The following AUTS2 variants were observed in gnomAD, a reference collection of about 807,000 sequenced individuals.
AUTS2 encodes activator of transcription and developmental regulator AUTS2.
In AUTS2, 17 loss-of-function variants were observed where a neutral mutation model predicts 112.4. That is an observed-to-expected ratio of 0.15 (90% CI 0.10 to 0.23). AUTS2 has a LOEUF of 0.23. Among genes scored for constraint, AUTS2 ranks in the 10% least tolerant of loss-of-function variants. AUTS2 has a pLI of 1.00. For missense variants in AUTS2, 1,510 were observed against 1,701.6 expected, an observed-to-expected ratio of 0.89 and a Z score of 1.98; for synonymous variants, 751 against 702.7, an observed-to-expected ratio of 1.07 and a Z score of -1.09.
At chr7:69,681,180 C>T (rs370602410) in intron 1 of AUTS2, among the ~76,000 whole-genome samples, 1 of 152,116 alleles carries the variant, frequency 6.6e-6, no homozygotes, top group Non-Finnish European at 1.5e-5. Flanking sequence ...TTGTTTTCAC[C>T]TCTTGGCTAT....
chr7:70,601,633 G>A lies in AUTS2; in HGVS notation c.691-96936G>A, dbSNP rs142767583. On this transcript the variant is annotated intron_variant, in intron 5 of 18. Coordinates refer to ENST00000342771, the MANE Select transcript of AUTS2 (RefSeq NM_015570.4). ...GAGTGGTGTGTGTCAGGGATGTGGC[G>A]GCTGCAGACTGCTGGAGAAGACTGG... is the stretch of plus-strand genomic sequence containing the variant. 2.6e-4 allele frequency among the ~76,000 whole-genome samples: 40 copies of A among 152,236 alleles called. No homozygotes were observed. In the East Asian group the frequency reaches 4.4e-3, roughly 17 times the overall value.
chr7:69,890,434 A>G (rs1794470711), intron 1 of AUTS2, among the ~76,000 whole-genome samples: 1 of 152,118 alleles, frequency 6.6e-6, no homozygotes, highest in South Asian at 2.1e-4. Flanking sequence ...CTATTTTTTT[A>G]AACCTTGTCC....
intron 2 of AUTS2, among the ~76,000 whole-genome samples, chr7:70,114,513 C>T (rs1805254620): frequency 6.6e-6 from 1 of 152,210 alleles, no homozygotes; most frequent in Non-Finnish European, 1.5e-5. Context: ...CTATATTCAG[C>T]TGGGCGTGGT....
At chr7:70,388,245 G>T (rs771728973) in intron 4 of AUTS2, among the ~76,000 whole-genome samples, 2 of 152,146 alleles carry the variant, frequency 1.3e-5, no homozygotes, top group Non-Finnish European at 1.5e-5. Context: ...GGTGGCGGGG[G>T]TGTGGAGGGT....
At chr7:70,686,764 C>G (rs1808492790) in intron 5 of AUTS2, among the ~76,000 whole-genome samples, 1 of 152,108 alleles carries the variant, frequency 6.6e-6, no homozygotes, top group Non-Finnish European at 1.5e-5. Context: ...AACTCCTGAC[C>G]TCAGGTGATC....
intron 1 of AUTS2, among the ~76,000 whole-genome samples, chr7:69,742,050 C>T (rs1787289507): frequency 6.6e-6 from 1 of 151,670 alleles, no homozygotes; most frequent in Non-Finnish European, 1.5e-5. Flanking sequence ...ATCCTTTCCA[C>T]CTCAGCCTCT....
intron 5 of AUTS2, among the ~76,000 whole-genome samples, chr7:70,620,046 A>C (rs1804587390): frequency 6.6e-6 from 1 of 152,130 alleles, no homozygotes. Flanking sequence ...GTAGGGGTGC[A>C]GATTCCCACC....
chr7:70,158,343 A>G (rs1330566312), intron 4 of AUTS2, among the ~76,000 whole-genome samples: 1 of 152,198 alleles, frequency 6.6e-6, no homozygotes, highest in African/African-American at 2.4e-5. Context: ...ATTGGAGGCA[A>G]GAACTTCAGG....
intron 1 of AUTS2, among the ~76,000 whole-genome samples, chr7:69,766,357 A>T (rs1433915282): frequency 6.6e-6 from 1 of 152,172 alleles, no homozygotes; most frequent in Non-Finnish European, 1.5e-5. Flanking sequence ...TCCTCAGTCT[A>T]CATTTGGGTT....
chr7:70,409,383 C>T (rs1300500839), intron 4 of AUTS2, among the ~76,000 whole-genome samples: 2 of 152,096 alleles, frequency 1.3e-5, no homozygotes, highest in South Asian at 4.1e-4. Flanking sequence ...TAACTCATAG[C>T]AAATGTGTGG....
intron 5 of AUTS2, among the ~76,000 whole-genome samples, chr7:70,457,868 T>C (rs1377333841): frequency 6.6e-6 from 1 of 152,182 alleles, no homozygotes; most frequent in Non-Finnish European, 1.5e-5. Context: ...GAACAGTGCT[T>C]TTTTGTTACT....
At chr7:70,542,013 A>G (rs772330278) in intron 5 of AUTS2, among the ~76,000 whole-genome samples, 5 of 152,248 alleles carry the variant, frequency 3.3e-5, no homozygotes, top group Non-Finnish European at 7.3e-5. Context: ...GGCCTTCATC[A>G]TCTGCCTTCG....
chr7:69,786,306 C>T (rs1041580375), intron 1 of AUTS2, among the ~76,000 whole-genome samples: 3 of 152,202 alleles, frequency 2.0e-5, no homozygotes, highest in African/African-American at 4.8e-5. Context: ...CTGCGTCTAG[C>T]TAAAGGATTG....
At chr7:69,972,369 T>C (rs1797883144) in intron 2 of AUTS2, among the ~76,000 whole-genome samples, 1 of 152,204 alleles carries the variant, frequency 6.6e-6, no homozygotes, top group Non-Finnish European at 1.5e-5. Context: ...TTATTGGGTA[T>C]GTGGTTTGCA....
At chr7:70,330,610 G>A (rs1407457552) in intron 4 of AUTS2, among the ~76,000 whole-genome samples, 1 of 152,106 alleles carries the variant, frequency 6.6e-6, no homozygotes, top group Non-Finnish European at 1.5e-5. Flanking sequence ...GCGATTGAGG[G>A]TCCATTGCAA....
At chr7:70,775,280 A>T (rs1377299528) in intron 12 of AUTS2, 77 bp from the exon 13 acceptor site, 4 of 1,179,310 alleles carry the variant, frequency 3.4e-6, no homozygotes, top group Non-Finnish European at 5.0e-6. Context: ...CCTCCTAATG[A>T]AGCACTACAA....
intron 1 of AUTS2, among the ~76,000 whole-genome samples, chr7:69,861,497 A>G (rs1350122868): frequency 1.3e-5 from 2 of 152,150 alleles, no homozygotes; most frequent in African/African-American, 4.8e-5. Flanking sequence ...CTGCTTTTGT[A>G]CTTTCCATAA....
At chr7:70,776,158 A>G (rs1193511531) in intron 13 of AUTS2, among the ~76,000 whole-genome samples, 2 of 152,216 alleles carry the variant, frequency 1.3e-5, no homozygotes, top group South Asian at 2.1e-4. Context: ...GCATTTAAGT[A>G]TATATTTTCG....
intron 1 of AUTS2, chr7:69,824,656 C>T (rs1000980151): frequency 1.3e-5 from 2 of 152,036 alleles, no homozygotes; most frequent in Admixed American, 1.3e-4. Flanking sequence ...CGTTTCCTTT[C>T]TGTGGACATT....
Sources: gnomAD v4.1 joint callset for allele counts (sites outside exome capture counted in the v4.1 genomes callset) on GRCh38, gnomAD v4.1.1 for gene constraint, MANE v1.5 for transcripts, NCBI Gene and HGNC (gene_info 2026-07-23, HGNC 2026-07-21) for gene names.